The following FRMPD4 variants were observed in gnomAD, a reference collection of about 807,000 sequenced individuals.
FRMPD4 encodes the protein FERM and PDZ domain containing 4, also known as FERM and PDZ domain-containing protein 4.
FRMPD4 carries 22 observed loss-of-function variants against 94.1 expected under a neutral mutation model. The ratio of observed to expected loss-of-function variants is 0.23; its 90% CI spans 0.17 to 0.33. The LOEUF (loss-of-function observed/expected upper bound fraction) is 0.33. Ranked by LOEUF, FRMPD4 falls within the 10% of genes least tolerant of loss-of-function variation. The probability of loss-of-function intolerance (pLI) is 1.00; values close to 1 mark genes in which losing one functional copy is unlikely to be tolerated. For missense variants in FRMPD4, 1,111 were observed against 1,339.9 expected (o/e 0.83, Z 2.67); for synonymous variants, 631 against 548.6 (o/e 1.15, Z -2.10).
rs1046771670 is a variant in FRMPD4 at position 12,721,930 on chromosome X, G to A, written c.*72G>A. On this transcript the variant is annotated 3_prime_UTR_variant, in exon 17 of 17. Coordinates refer to ENST00000675598, the MANE Select transcript of FRMPD4 (RefSeq NM_001368397.1). ...CTTTTATTTACTTTGTGTGTATGAT[G>A]AACAGATGTCTCCTTTCTTCTCTCT... 2.8e-5 allele frequency: 12 copies of A among 424,488 alleles called. No homozygotes were observed. The African/African-American group carries it at 3.3e-4, about 12-fold the overall frequency. 35.0% of individuals were successfully genotyped at this position (424,488 alleles called of 1,213,427 possible). A position where few individuals can be genotyped will look rare whatever the true frequency, so the allele number is the denominator to read the frequency against.
intron 1 of FRMPD4, among the ~76,000 whole-genome samples, chrX:11,833,363 A>G (rs896808074): frequency 8.9e-6 from 1 of 112,165 alleles, no homozygotes; most frequent in Non-Finnish European, 1.9e-5. Context: ...AATACCAAAG[A>G]GTATGATTTC....
chrX:12,717,788 C>G lies in FRMPD4; in HGVS notation c.2962C>G (p.Gln988Glu). 1.7e-6 allele frequency: 2 copies of G among 1,211,783 alleles called. No individual in the cohort carries two copies. Among genetic ancestry groups the G allele is most frequent in the Non-Finnish European group, 2.2e-6 (2 of 895,312 alleles). The change falls in exon 16 of 17, where the codon CAG (glutamine) becomes GAG (glutamate). Residue 988 changes from glutamine to glutamate, a missense_variant. Gln to Glu is a conservative substitution (Grantham distance 29, BLOSUM62 2). Transcript: ENST00000675598. ...DLPPKVVPSK[Q>E]LLHSDHMEME... ...CCCGCCCAAAGTTGTGCCTTCCAAG[C>G]AGTTACTTCACTCAGACCACATGGA...
At chrX:12,088,977 G>A (rs758376529) in intron 3 of FRMPD4, among the ~76,000 whole-genome samples, 1 of 111,676 alleles carries the variant, frequency 9.0e-6, no homozygotes, top group African/African-American at 3.3e-5. Flanking sequence ...CTCTCCATAA[G>A]AATAACCACT....
At chrX:12,230,300 C>T (rs1044023697) in intron 1 of FRMPD4, among the ~76,000 whole-genome samples, 2 of 111,657 alleles carry the variant, frequency 1.8e-5, no homozygotes, top group Non-Finnish European at 3.8e-5. Flanking sequence ...CTATTGCCCT[C>T]TTGACATTCA....
intron 4 of FRMPD4, among the ~76,000 whole-genome samples, chrX:12,656,075 A>C (rs1436685068): frequency 8.9e-6 from 1 of 112,566 alleles, no homozygotes. Context: ...TTTCAGTCAT[A>C]ATGGCATTTA....
chrX:11,933,940 C>T (rs772997630), intron 3 of FRMPD4, among the ~76,000 whole-genome samples: 2 of 112,053 alleles, frequency 1.8e-5, no homozygotes, highest in South Asian at 7.4e-4. Context: ...CAGAAGAGAA[C>T]TTAAGGTATA....
chrX:12,212,414 T>C (rs1471499572), intron 1 of FRMPD4, among the ~76,000 whole-genome samples: 1 of 110,555 alleles, frequency 9.0e-6, no homozygotes, highest in African/African-American at 3.3e-5. Flanking sequence ...CCGAATGCAA[T>C]GCGGACCTAA....
intron 1 of FRMPD4, among the ~76,000 whole-genome samples, chrX:12,294,617 G>A (rs758207017): frequency 3.6e-5 from 4 of 111,355 alleles, no homozygotes; most frequent in Non-Finnish European, 7.5e-5. Context: ...TCACTAGATG[G>A]TGAATTCTCT....
intron 1 of FRMPD4, among the ~76,000 whole-genome samples, chrX:12,206,698 C>T (rs1031455450): frequency 1.8e-5 from 2 of 111,867 alleles, no homozygotes; most frequent in African/African-American, 6.5e-5. Context: ...CAGTGTCTGT[C>T]CTCAGTGGTA....
At chrX:12,288,802 A>G (rs2054640293) in intron 1 of FRMPD4, among the ~76,000 whole-genome samples, 1 of 111,847 alleles carries the variant, frequency 8.9e-6, no homozygotes, top group Non-Finnish European at 1.9e-5. Context: ...AGTAATGGAC[A>G]CTATTTGTCC....
chrX:12,166,596 C>G lies in FRMPD4; in HGVS notation c.41+27584C>G, dbSNP rs771066324. Among the ~76,000 whole-genome samples, 4 of 111,551 alleles carry G rather than the reference C, an allele frequency of 3.6e-5. No individual in the cohort carries two copies. In the South Asian group the frequency reaches 1.1e-3, roughly 31 times the overall value. ...GAATTAGGGAGGATTCCATCTTTTT[C>G]TATTGATTGGAATAGTTTCAGAAGG... On this transcript the variant is annotated intron_variant, in intron 1 of 16. Transcript: ENST00000675598.
At chrX:12,615,089 C>G (rs779974304) in intron 4 of FRMPD4, among the ~76,000 whole-genome samples, 1 of 112,214 alleles carries the variant, frequency 8.9e-6, no homozygotes, top group Non-Finnish European at 1.9e-5. Flanking sequence ...ATTGTCCACT[C>G]TCTGTTAACA....
chrX:12,442,906 G>C (rs1319636639), intron 1 of FRMPD4, among the ~76,000 whole-genome samples: 1 of 112,078 alleles, frequency 8.9e-6, no homozygotes, highest in African/African-American at 3.2e-5. Context: ...GCCATAAAAA[G>C]AGTGACGTAT....
chrX:12,717,111 A>G lies in FRMPD4; in HGVS notation c.2652A>G (p.Glu884=), dbSNP rs758841184. 2.6e-6 allele frequency: 3 copies of G among 1,167,380 alleles called. No homozygotes were observed. Among genetic ancestry groups the G allele is most frequent in the East Asian group, 6.0e-5 (2 of 33,373 alleles). The stretch of plus-strand genomic sequence containing the variant: ...TAGAGGCTCTATCCGTGTCAGAAGA[A>G]CAGCAGACCAGTGACAATTCAGGTT... The part of the protein sequence containing the change: ...GALEALSVSE[E]QQTSDNSGVA... The change falls in exon 15 of 17, where the codon GAA becomes GAG. Residue 884 remains glutamate (E), a synonymous_variant. Transcript: ENST00000675598.
At chrX:12,040,367 T>C (rs1017158316) in intron 3 of FRMPD4, among the ~76,000 whole-genome samples, 2 of 106,669 alleles carry the variant, frequency 1.9e-5, no homozygotes, top group Non-Finnish European at 3.9e-5. Context: ...CACTCCAGCT[T>C]CTATAGTTAC....
chrX:12,607,314 G>A (rs895997225), intron 2 of FRMPD4, among the ~76,000 whole-genome samples: 16 of 111,077 alleles, frequency 1.4e-4, no homozygotes, highest in African/African-American at 3.0e-4. Context: ...TCTGGGTCCC[G>A]AAAAACACCT....
intron 1 of FRMPD4, among the ~76,000 whole-genome samples, chrX:11,838,529 T>C (rs2147277322): frequency 9.0e-6 from 1 of 111,636 alleles, no homozygotes; most frequent in African/African-American, 3.3e-5. Flanking sequence ...TTTTGTATTT[T>C]TAGTGAACGT....
intron 1 of FRMPD4, among the ~76,000 whole-genome samples, chrX:12,398,889 T>G (rs1390928813): frequency 4.5e-5 from 5 of 111,849 alleles, no homozygotes; most frequent in Non-Finnish European, 9.4e-5. Context: ...ATGTTCTGTG[T>G]TTTTCAGTCT....
intron 1 of FRMPD4, among the ~76,000 whole-genome samples, chrX:12,292,998 A>G (rs1376956944): frequency 9.1e-6 from 1 of 109,593 alleles, no homozygotes; most frequent in Non-Finnish European, 1.9e-5. Flanking sequence ...AGAGCTGGAT[A>G]GTAACTGTGA....
Sources: gnomAD v4.1 joint callset for allele counts (sites outside exome capture counted in the v4.1 genomes callset) on GRCh38, gnomAD v4.1.1 for gene constraint, MANE v1.5 for transcripts, NCBI Gene and HGNC (gene_info 2026-07-23, HGNC 2026-07-21) for gene names.